STARD13: variants seen among roughly 807,000 people sequenced by gnomAD.
The protein encoded by STARD13 is stAR-related lipid transfer protein 13.
A neutral mutation model predicts 106.4 loss-of-function variants in STARD13; 62 were observed. That is an observed-to-expected ratio of 0.58 (90% CI 0.48 to 0.72). The LOEUF (loss-of-function observed/expected upper bound fraction) is 0.72. Among genes scored for constraint, STARD13 ranks in the 30% least tolerant of loss-of-function variants. The pLI, the probability that STARD13 is intolerant of heterozygous loss-of-function variation, is 0.00. For missense variants in STARD13, 1,387 were observed against 1,424.0 expected, an observed-to-expected ratio of 0.97 and a Z score of 0.42; for synonymous variants, 565 against 553.0, an observed-to-expected ratio of 1.02 and a Z score of -0.31.
chr13:33,499,621 TCTTCTTCTTCTTCTTCTTCTTCTTCTC>T, the STARD13 span, among the ~76,000 whole-genome samples: 1,059 of 119,198 alleles, frequency 8.9e-3, 85 homozygotes, highest in African/African-American at 0.041. Context: ...TTCTTCTTCT[TCTTCTTCTTCTTCTTCTTCTTCTTCTC>T]CTTCTTCTTC....
At chr13:33,351,058 T>G (rs1209138153), upstream of STARD13, among the ~76,000 whole-genome samples, 1 of 152,218 alleles carries the variant, frequency 6.6e-6, no homozygotes, top group Non-Finnish European at 1.5e-5. Context: ...GACATTCTTT[T>G]GATGTTCAAT....
the STARD13 span, among the ~76,000 whole-genome samples, chr13:33,538,780 T>A: frequency 6.6e-6 from 1 of 151,900 alleles, no homozygotes; most frequent in Non-Finnish European, 1.5e-5. Flanking sequence ...AATTTTTTTT[T>A]TTTTTTTGAG....
the STARD13 span, among the ~76,000 whole-genome samples, chr13:33,400,254 A>C: frequency 7.3e-4 from 111 of 152,306 alleles, no homozygotes; most frequent in Non-Finnish European, 1.4e-3. Context: ...TATTTCATTT[A>C]GAATAATGTC....
chr13:33,189,434 C>A (rs1202745857), intron 1 of STARD13, among the ~76,000 whole-genome samples: 15 of 19,354 alleles, frequency 7.8e-4, no homozygotes, highest in African/African-American at 1.5e-3. Context: ...TTCCTCCTTT[C>A]GGAGGAAGGA....
chr13:33,277,445 C>G (rs994787398), intron 1 of STARD13: 7 of 152,006 alleles, frequency 4.6e-5, no homozygotes, highest in African/African-American at 1.7e-4. Context: ...ACTAGGAGAG[C>G]CTTTATATAA....
chr13:33,671,815 TAA>T, the STARD13 span, among the ~76,000 whole-genome samples: 33 of 152,148 alleles, frequency 2.2e-4, no homozygotes, highest in African/African-American at 5.8e-4. Context: ...AAATAATACA[TAA>T]GTCACAATTA....
At chr13:33,497,710 T>C in the STARD13 span, among the ~76,000 whole-genome samples, 2 of 152,166 alleles carry the variant, frequency 1.3e-5, no homozygotes, top group South Asian at 4.1e-4. Flanking sequence ...ATTACTGTAG[T>C]TTCAACATCC....
chr13:33,205,727 T>A (rs1189976199), intron 1 of STARD13: 1 of 440,398 alleles, frequency 2.3e-6, no homozygotes, highest in Non-Finnish European at 3.0e-6. Flanking sequence ...AGAAAACTTT[T>A]TATATCAATG....
chr13:33,617,858 T>C, the STARD13 span, among the ~76,000 whole-genome samples: 1 of 152,234 alleles, frequency 6.6e-6, no homozygotes, highest in Non-Finnish European at 1.5e-5. Context: ...TATGTAAACA[T>C]AAAATAGAGA....
intron 1 of STARD13, among the ~76,000 whole-genome samples, chr13:33,233,649 C>A (rs554225453): frequency 3.5e-4 from 53 of 152,342 alleles, no homozygotes; most frequent in African/African-American, 1.3e-3. Context: ...TAACACCAGC[C>A]CTTTGCCCTT....
chr13:33,545,330 C>G, the STARD13 span, among the ~76,000 whole-genome samples: 30 of 151,760 alleles, frequency 2.0e-4, no homozygotes, highest in African/African-American at 6.0e-4. Flanking sequence ...CTCCTGACCT[C>G]GTGATCCGCC....
chr13:33,377,924 G>T, the STARD13 span, among the ~76,000 whole-genome samples: 17 of 152,206 alleles, frequency 1.1e-4, no homozygotes, highest in South Asian at 2.1e-3. Context: ...AATGAACAAG[G>T]TCCTGTTATT....
chr13:33,576,823 A>G, the STARD13 span, among the ~76,000 whole-genome samples: 15 of 152,334 alleles, frequency 9.8e-5, no homozygotes, highest in Middle Eastern at 3.4e-3. Flanking sequence ...TCATAGTAAC[A>G]AACCTTAATA....
chr13:33,633,390 C>G, the STARD13 span, among the ~76,000 whole-genome samples: 1 of 152,130 alleles, frequency 6.6e-6, no homozygotes, highest in African/African-American at 2.4e-5. Context: ...CCAAGTGTAC[C>G]TAACACAAAG....
intron 1 of STARD13, among the ~76,000 whole-genome samples, chr13:33,256,111 T>A (rs891961197): frequency 2.6e-5 from 4 of 152,228 alleles, no homozygotes; most frequent in Non-Finnish European, 2.9e-5. Context: ...AAAGGATTCA[T>A]CTTCAAAATG....
At chr13:33,574,571 A>T in the STARD13 span, among the ~76,000 whole-genome samples, 1 of 152,112 alleles carries the variant, frequency 6.6e-6, no homozygotes, top group Non-Finnish European at 1.5e-5. Flanking sequence ...CCCTGTCTTT[A>T]CAAAAACATA....
At chr13:33,307,270 C>T (rs984998993) in intron 1 of STARD13, among the ~76,000 whole-genome samples, 1 of 152,178 alleles carries the variant, frequency 6.6e-6, no homozygotes, top group African/African-American at 2.4e-5. Flanking sequence ...GACCTAAAAG[C>T]AGAACTACCA....
the STARD13 span, among the ~76,000 whole-genome samples, chr13:33,360,513 T>C: frequency 6.6e-6 from 1 of 151,858 alleles, no homozygotes; most frequent in Admixed American, 6.6e-5. Context: ...CGGCAGTCGA[T>C]TTTTTTAAAT....
In STARD13 at chr13:33,146,323, C is replaced by CA. The variant is rs893019495; in HGVS notation, c.324-3951dup. Among the ~76,000 whole-genome samples, 459 of 143,142 alleles carry CA rather than the reference C, an allele frequency of 3.2e-3. 1 individual carries two copies. The highest frequency in any genetic ancestry group is 9.4e-3 in the African/African-American group (366 of 39,040). 93.9% of individuals were successfully genotyped at this position (143,142 alleles called of 152,430 possible). A position where few individuals can be genotyped will look rare whatever the true frequency, so the allele number is the denominator to read the frequency against. ...TGGGTGACAGAGTGAAACTCCATCT[C>CA]AAAAAAAAAAATTAGCTGGGCATGG... On this transcript the variant is annotated intron_variant, in intron 3 of 13. Coordinates refer to ENST00000336934, the MANE Select transcript of STARD13 (RefSeq NM_178006.4).
Sources: allele counts gnomAD v4.1 joint callset (sites outside exome capture counted in the v4.1 genomes callset), GRCh38; gene constraint gnomAD v4.1.1; transcripts MANE v1.5; gene names NCBI Gene and HGNC (gene_info 2026-07-23, HGNC 2026-07-21).